Variants in EIF2AK4 observed in about 807,000 individuals in gnomAD.
EIF2AK4 encodes eukaryotic translation initiation factor 2 alpha kinase 4, also known as eIF-2-alpha kinase GCN2.
EIF2AK4 carries 139 observed loss-of-function variants against 211.1 expected under a neutral mutation model. That is an observed-to-expected ratio of 0.66 (90% CI 0.57 to 0.76). EIF2AK4 has a LOEUF of 0.76. Ranked by LOEUF, EIF2AK4 falls within the 30% of genes least tolerant of loss-of-function variation. EIF2AK4 has a pLI of 0.00. For synonymous variants in EIF2AK4, 710 were observed against 751.3 expected, an observed-to-expected ratio of 0.94 and a Z score of 0.90; for missense variants, 1,664 against 2,043.8, an observed-to-expected ratio of 0.81 and a Z score of 3.58.
Position 40,000,948 on chromosome 15 carries a change from C to T in EIF2AK4, c.2923-40C>T, listed in dbSNP as rs182794268. 124 of 1,590,520 alleles carry T rather than the reference C, an allele frequency of 7.8e-5. No individual in the cohort carries two copies. The African/African-American group carries it at 1.5e-3, about 20-fold the overall frequency. ...GTCCGGAGAATAGCTGAGCATTATC[C>T]ATTGCATCCCATTAGCAGTGTGCCT... On this transcript the variant is annotated intron_variant, in intron 20 of 38. Coordinates refer to ENST00000263791, the MANE Select transcript of EIF2AK4 (RefSeq NM_001013703.4).
intron 23 of EIF2AK4, among the ~76,000 whole-genome samples, chr15:40,005,631 G>C (rs2035150409): frequency 1.3e-5 from 2 of 151,270 alleles, no homozygotes; most frequent in South Asian, 4.2e-4. Flanking sequence ...GAGGGCAGTG[G>C]CGTGATTTCA....
chr15:39,965,040 T>C (rs12439021), intron 7 of EIF2AK4, among the ~76,000 whole-genome samples: 52,522 of 152,122 alleles, frequency 0.35, 9,134 homozygotes, highest in Middle Eastern at 0.36. Context: ...GCTGTATGAG[T>C]GTACACCAGT....
intron 32 of EIF2AK4, among the ~76,000 whole-genome samples, chr15:40,025,482 T>G (rs1375552870): frequency 5.9e-5 from 9 of 152,044 alleles, no homozygotes; most frequent in Non-Finnish European, 1.3e-4. Flanking sequence ...GGAGTGAAGA[T>G]GAAGGGACAG....
chr15:39,991,271 C>G (rs1002621551), intron 16 of EIF2AK4: 1 of 152,238 alleles, frequency 6.6e-6, no homozygotes, highest in African/African-American at 2.4e-5. Context: ...GATCATGCTC[C>G]CCATGGAGTA....
At chr15:40,028,150 A>G (rs192085661) in intron 33 of EIF2AK4, among the ~76,000 whole-genome samples, 2 of 150,934 alleles carry the variant, frequency 1.3e-5, no homozygotes, top group African/African-American at 2.4e-5. Context: ...ATGACTCACT[A>G]TAGCCTTAAC....
At position 39,989,929 on chromosome 15, in the gene EIF2AK4, T is replaced by C. The variant is rs538079185; in HGVS notation, c.2527-344T>C. Among the ~76,000 whole-genome samples, 9 of 152,222 alleles carry C rather than the reference T, an allele frequency of 5.9e-5. No individual in the cohort carries two copies. The East Asian group carries it at 7.7e-4, about 13-fold the overall frequency. ...AGGGGAGAGGGTACAAAGAAAGGAA[T>C]AGAAGAAGGAATAAAAATGGTGTGT... On this transcript the variant is annotated intron_variant, in intron 15 of 38. Transcript: ENST00000263791.
chr15:40,021,009 C>T lies in EIF2AK4; in HGVS notation c.4284C>T (p.Ile1428=). ...GGACAGCAGGCATCACAGCAGAAAT[C>T]ATGTACGACTGGTCACAGGTAATGG... ...KLWTAGITAE[I]MYDWSQSQEE... Residue 1428 remains isoleucine (I), a synonymous_variant, in exon 31 of 39, where the codon ATC becomes ATT. Transcript: ENST00000263791. 1 of 1,613,372 alleles carries T rather than the reference C, an allele frequency of 6.2e-7. No individual in the cohort carries two copies. The highest frequency in any genetic ancestry group is 8.5e-7 in the Non-Finnish European group (1 of 1,179,650).
At chr15:40,015,936 C>T (rs1377903119) in intron 27 of EIF2AK4, among the ~76,000 whole-genome samples, 1 of 152,152 alleles carries the variant, frequency 6.6e-6, no homozygotes, top group Non-Finnish European at 1.5e-5. Context: ...TCTTCTGGGG[C>T]AGTCTATGAG....
At chr15:39,982,201 G>A (rs987840620) in intron 13 of EIF2AK4, among the ~76,000 whole-genome samples, 5 of 152,222 alleles carry the variant, frequency 3.3e-5, no homozygotes, top group Non-Finnish European at 7.3e-5. Flanking sequence ...TGGGATTACA[G>A]GCGTGAGCCA....
At chr15:40,025,608 A>G (rs16970202) in intron 32 of EIF2AK4, among the ~76,000 whole-genome samples, 18,270 of 152,102 alleles carry the variant, frequency 0.12, 2,093 homozygotes, top group East Asian at 0.4. Flanking sequence ...GGAAGATGTT[A>G]AAGAATCACA....
intron 26 of EIF2AK4, among the ~76,000 whole-genome samples, chr15:40,010,608 A>T (rs1000369834): frequency 1.9e-5 from 2 of 103,920 alleles, no homozygotes; most frequent in African/African-American, 7.5e-5. Context: ...CATCCAGGAG[A>T]TGTAAGAACT....
At chr15:40,022,431 T>C in intron 31 of EIF2AK4, 88 bp from the exon 32 acceptor site, 1 of 1,109,388 alleles carries the variant, frequency 9.0e-7, no homozygotes, top group South Asian at 1.4e-5. Context: ...AGAATATAAT[T>C]GGAAACAGTA....
At position 40,001,123 on chromosome 15, in the gene EIF2AK4, A is replaced by C; in HGVS notation, c.3058A>C (p.Thr1020Pro). 2.5e-6 allele frequency: 4 copies of C among 1,614,116 alleles called. No individual in the cohort carries two copies. Among genetic ancestry groups the C allele is most frequent in the Non-Finnish European group, 3.4e-6 (4 of 1,180,002 alleles). The change falls in exon 21 of 39, where the codon ACC becomes CCC. Residue 1020 changes from threonine to proline, a missense_variant. Physicochemically the swap from Thr to Pro is conservative, Grantham distance 38. Coordinates refer to ENST00000263791, the MANE Select transcript of EIF2AK4 (RefSeq NM_001013703.4). Reference sequence around the variant, plus strand: ...GCATGAAGTGCTGCACCACACGCTGACCAACGTGGATGGGAAGGCCTACCG... The same window carrying C: ...GCATGAAGTGCTGCACCACACGCTGCCCAACGTGGATGGGAAGGCCTACCG... ...ELHEVLHHTL[T>P]NVDGKAYRTM...
chr15:39,983,447 C>CT (rs34672885), intron 13 of EIF2AK4, among the ~76,000 whole-genome samples: 127 of 145,774 alleles, frequency 8.7e-4, no homozygotes, highest in Middle Eastern at 3.6e-3. Flanking sequence ...GGATATTAGC[C>CT]TTTTTTTTTT....
At chr15:39,974,827 T>G (rs1390385022) in intron 11 of EIF2AK4, 2 of 152,234 alleles carry the variant, frequency 1.3e-5, no homozygotes, top group African/African-American at 4.8e-5. Flanking sequence ...CCTCACCTCC[T>G]ACCTCTGTGC....
Position 39,986,524 on chromosome 15 carries a change from CAG to C in EIF2AK4, c.2403+637_2403+638del, listed in dbSNP as rs959606439. Among the ~76,000 whole-genome samples, 7 of 152,362 alleles carry C rather than the reference CAG, an allele frequency of 4.6e-5. No individual in the cohort carries two copies. The East Asian group carries it at 5.8e-4, about 13-fold the overall frequency. On this transcript the variant is annotated intron_variant, in intron 14 of 38. Transcript: ENST00000263791. ...CCTGCCAGAGCAACAACATCCTAAA[CAG>C]GGGTGAGTGGGCTCTTCCAGTAGAG...
At chr15:39,995,933 A>C (rs909455758) in intron 18 of EIF2AK4, among the ~76,000 whole-genome samples, 22 of 152,302 alleles carry the variant, frequency 1.4e-4, no homozygotes, top group Non-Finnish European at 3.1e-4. Context: ...AATTATAGTC[A>C]CCATGCCGTG....
chr15:40,008,008 T>C lies in EIF2AK4; in HGVS notation c.3408-19T>C. 6.7e-7 allele frequency: 1 copy of C among 1,501,556 alleles called. No homozygotes were observed. Among genetic ancestry groups the C allele is most frequent in the Non-Finnish European group, 8.9e-7 (1 of 1,124,634 alleles). 93.0% of individuals were successfully genotyped at this position (1,501,556 alleles called of 1,614,324 possible). ...TTCTAGTAAGCAATGACCTTAGAAA[T>C]CTGGGTTTCTCTCTCCAGATACTGC... On this transcript the variant is annotated intron_variant, in intron 24 of 38. Transcript: ENST00000263791.
chr15:39,956,007 T>A (rs1479073525), intron 6 of EIF2AK4, among the ~76,000 whole-genome samples: 4 of 141,536 alleles, frequency 2.8e-5, no homozygotes, highest in African/African-American at 1.1e-4. Context: ...TCATTCCCTT[T>A]TTTTTTTTTT....
Sources: allele counts gnomAD v4.1 joint callset (sites outside exome capture counted in the v4.1 genomes callset), GRCh38; gene constraint gnomAD v4.1.1; transcripts MANE v1.5; gene names NCBI Gene and HGNC (gene_info 2026-07-23, HGNC 2026-07-21).